The following GH2 variants were observed in gnomAD, a reference collection of about 807,000 sequenced individuals.
GH2 encodes the protein growth hormone 2.
A neutral mutation model predicts 24.1 loss-of-function variants in GH2; 17 were observed. That is an observed-to-expected ratio of 0.71 (90% CI 0.48 to 1.06). The LOEUF (loss-of-function observed/expected upper bound fraction) is 1.06, where lower values mean the gene tolerates loss of function less well. GH2 is among the 50% of genes least tolerant of loss of function. The pLI is 0.00. For synonymous variants in GH2, 126 were observed against 118.7 expected (o/e 1.06, Z -0.40); for missense variants, 305 against 273.1 (o/e 1.12, Z -0.82).
In GH2 at chr17:63,880,261, A is replaced by G. The variant is rs530405693; in HGVS notation, c.*60T>C. On this transcript the variant is annotated 3_prime_UTR_variant, in exon 5 of 5. Coordinates refer to ENST00000423893, the MANE Select transcript of GH2 (RefSeq NM_002059.5). ...GGACAAGGCTGGTGGGCACTGGAGT[A>G]GCACCTTCCACGACCAGGAGAGGCA... 41 of 1,613,430 alleles carry G rather than the reference A, an allele frequency of 2.5e-5. No homozygotes were observed. The African/African-American group carries it at 4.3e-4, about 17-fold the overall frequency.
rs1241869729 is a variant in GH2, at chr17:63,881,051, C to G, written c.269G>C (p.Arg90Thr). 2.5e-6 allele frequency: 4 copies of G among 1,613,942 alleles called. No individual in the cohort carries two copies. The highest frequency in any genetic ancestry group is 2.7e-5 in the African/African-American group (2 of 74,908). The stretch of plus-strand genomic sequence containing the variant: ...CACAGATTTCTGCTGCGTTTTCACC[C>G]TGTTGGAAGGTGTTGGAATAGACTC... ...FSESIPTPSNRVKTQQKSNLE... is the reference protein window; with the variant it reads ...FSESIPTPSNTVKTQQKSNLE... The change falls in exon 3 of 5, where the codon AGG becomes ACG. Residue 90 changes from arginine (R) to threonine (T), a missense_variant. Transcript: ENST00000423893.
rs1360148247 is a variant in GH2 at position 63,881,598 on chromosome 17, T to G, written c.11-79A>C. 2.5e-6 allele frequency: 4 copies of G among 1,578,572 alleles called. No individual in the cohort carries two copies. The Admixed American group carries it at 7.0e-5, about 28-fold the overall frequency. ...TCTCCCTGTTCCAGGAGCTGGGTTT[T>G]TTTTTTTCTCTCTCTCTCTCTGCCT... On this transcript the variant is annotated intron_variant, in intron 1 of 4. Transcript: ENST00000423893.
Position 63,881,142 on chromosome 17 carries a change from C to T in GH2, c.178G>A (p.Ala60Thr), listed in dbSNP as rs145686010. Residue 60 changes from alanine (A) to threonine (T), a missense_variant, in exon 3 of 5, where the codon GCC becomes ACC. Physicochemically the swap from Ala to Thr is moderately conservative, Grantham distance 58. Transcript: ENST00000423893. ...AYDTYQEFEE[A>T]YILKEQKYSF... Reference sequence around the variant, plus strand: ...TACTTCTGCTCCTTCAGGATATAGGCTTCTTCCTAGGAGAAGGACCGCCCA... The same window carrying T: ...TACTTCTGCTCCTTCAGGATATAGGTTTCTTCCTAGGAGAAGGACCGCCCA... 103 of 1,613,964 alleles carry T rather than the reference C, an allele frequency of 6.4e-5. 3 individuals are homozygous for T. The highest frequency in any genetic ancestry group is 8.1e-5 in the Non-Finnish European group (95 of 1,179,946).
Position 63,880,216 on chromosome 17 carries a change from G to C in GH2, c.*105C>G. 1 of 1,582,354 alleles carries C rather than the reference G, an allele frequency of 6.3e-7. No homozygotes were observed. Reference sequence around the variant, plus strand: ...ACAAGGACACCTAGTCAAACAAAATGATGCAACTTAATTTTATTAGGACAA... The same window carrying C: ...ACAAGGACACCTAGTCAAACAAAATCATGCAACTTAATTTTATTAGGACAA... On this transcript the variant is annotated 3_prime_UTR_variant, in exon 5 of 5. Coordinates refer to ENST00000423893, the MANE Select transcript of GH2 (RefSeq NM_002059.5).
intron 2 of GH2, 27 bp downstream of exon 2, chr17:63,881,332 A>G (rs1598375660): frequency 6.2e-7 from 1 of 1,613,732 alleles, no homozygotes; most frequent in Non-Finnish European, 8.5e-7. Flanking sequence ...GCCACCTCTG[A>G]AGCGCACCCA....
At position 63,880,490 on chromosome 17, in the gene GH2, C is replaced by G; in HGVS notation, c.485G>C (p.Gly162Ala). ...GCTGTAGGACTGATTGAAGATCTGCCCAGTCCGGGGGCTGCCATCTTCCAG... is the reference window on the plus strand; with the variant it reads ...GCTGTAGGACTGATTGAAGATCTGCGCAGTCCGGGGGCTGCCATCTTCCAG... ...WRLEDGSPRT[G>A]QIFNQSYSKF... The change falls in exon 5 of 5, where the codon GGG becomes GCG. Residue 162 changes from glycine (G) to alanine (A), a missense_variant. By Grantham distance (60) the Gly-to-Ala change is moderately conservative (BLOSUM62 0). Coordinates refer to ENST00000423893, the MANE Select transcript of GH2 (RefSeq NM_002059.5). 1 of 1,613,774 alleles carries G rather than the reference C, an allele frequency of 6.2e-7. No individual in the cohort carries two copies. The highest frequency in any genetic ancestry group is 8.5e-7 in the Non-Finnish European group (1 of 1,179,774).
Position 63,881,368 on chromosome 17 carries a change from A to G in GH2, c.162T>C (p.Tyr54=), listed in dbSNP as rs751050968. The change falls in exon 2 of 5, where the codon TAT becomes TAC. Residue 54 remains tyrosine, a synonymous_variant. Coordinates refer to ENST00000423893, the MANE Select transcript of GH2 (RefSeq NM_002059.5). ...RRLYQLAYDT[Y]QEFEEAYILK... is the part of the protein sequence containing the mutation. Reference sequence around the variant, plus strand: ...TTACCCAAGAGCTTACAAACTCCTGATAGGTGTCATATGCCAGCTGGTACA... The same window carrying G: ...TTACCCAAGAGCTTACAAACTCCTGGTAGGTGTCATATGCCAGCTGGTACA... 6 of 1,613,914 alleles carry G rather than the reference A, an allele frequency of 3.7e-6. No individual in the cohort carries two copies. In the African/African-American group the frequency reaches 4.0e-5, roughly 11 times the overall value.
intron 4 of GH2, 63 bp from the exon 5 acceptor site, chr17:63,880,581 T>C: frequency 6.2e-7 from 1 of 1,613,850 alleles, no homozygotes; most frequent in Non-Finnish European, 8.5e-7. Flanking sequence ...CCCTCTCTCA[T>C]TCATCCATTT....
At chr17:63,881,602 TTTTCTCTC>T in intron 1 of GH2, 83 bp from the exon 2 acceptor site, 1 of 1,561,740 alleles carries the variant, frequency 6.4e-7, no homozygotes, top group Admixed American at 1.8e-5. Flanking sequence ...GGGTTTTTTT[TTTTCTCTC>T]TCTCTCTCTG....
Position 63,881,784 on chromosome 17 carries a change from G to T in GH2, c.10+8C>A, listed in dbSNP as rs545843975. The T allele has an allele frequency of 1.9e-6, 3 of 1,613,058 alleles. No homozygotes were observed. The East Asian group carries it at 6.7e-5, about 36-fold the overall frequency. Reference sequence around the variant, plus strand: ...CATTGTGCCCAAAGGGATTTTAGGGGCGCTTACCTGCAGCCATTGCCGCTA... The same window carrying T: ...CATTGTGCCCAAAGGGATTTTAGGGTCGCTTACCTGCAGCCATTGCCGCTA... On this transcript the variant is annotated splice_region_variant and intron_variant, in intron 1 of 4. Coordinates refer to ENST00000423893, the MANE Select transcript of GH2 (RefSeq NM_002059.5).
chr17:63,881,244 A>C (rs1905504848), intron 2 of GH2, 96 bp from the exon 3 acceptor site: 1 of 1,611,728 alleles, frequency 6.2e-7, no homozygotes. Flanking sequence ...ATCTGCCTGC[A>C]TTTTCACTTC....
chr17:63,880,806 T>G lies in GH2; in HGVS notation c.422A>C (p.Lys141Thr). Reference protein sequence around the residue: ...ASDSNVYRHLKDLEEGIQTLM... With the variant: ...ASDSNVYRHLTDLEEGIQTLM... Reference sequence around the variant, plus strand: ...CGTTTGGATGCCTTCCTCTAGGTCCTTCAGGTGGCGATAGACGTTGCTGTC... The same window carrying G: ...CGTTTGGATGCCTTCCTCTAGGTCCGTCAGGTGGCGATAGACGTTGCTGTC... The change falls in exon 4 of 5, where the codon AAG becomes ACG. Residue 141 changes from lysine (K) to threonine (T), a missense_variant. Lys to Thr is a moderately conservative substitution (Grantham distance 78). Transcript: ENST00000423893. 6.2e-7 allele frequency: 1 copy of G among 1,614,084 alleles called. No individual in the cohort carries two copies. The highest frequency in any genetic ancestry group is 8.5e-7 in the Non-Finnish European group (1 of 1,179,948).
intron 1 of GH2, 55 bp downstream of exon 1, chr17:63,881,737 C>A: frequency 6.2e-7 from 1 of 1,612,086 alleles, no homozygotes; most frequent in Non-Finnish European, 8.5e-7. Context: ...ATCTACAGGA[C>A]GCCGCCTCTC....
rs750322335 is a variant in GH2 at position 63,880,372 on chromosome 17, T to C, written c.603A>G (p.Thr201=). The C allele has an allele frequency of 7.4e-6, 12 of 1,613,726 alleles. No homozygotes were observed. Among genetic ancestry groups the C allele is most frequent in the African/African-American group, 2.7e-5 (2 of 74,908 alleles). The change falls in exon 5 of 5, where the codon ACA becomes ACG. Residue 201 remains threonine, a synonymous_variant. Coordinates refer to ENST00000423893, the MANE Select transcript of GH2 (RefSeq NM_002059.5). ...CFRKDMDKVE[T]FLRIVQCRSV... is the part of the protein sequence containing the mutation. ...AGCGGCACTGCACGATGCGCAGGAATGTCTCGACCTTGTCCATGTCCTTCC... is the reference window on the plus strand; with the variant it reads ...AGCGGCACTGCACGATGCGCAGGAACGTCTCGACCTTGTCCATGTCCTTCC...
chr17:63,880,492 A>G lies in GH2; in HGVS notation c.483T>C (p.Thr161=), dbSNP rs756443429. The G allele has an allele frequency of 6.2e-7, 1 of 1,613,820 alleles. No individual in the cohort carries two copies. The highest frequency in any genetic ancestry group is 1.1e-5 in the South Asian group (1 of 91,072). The change falls in exon 5 of 5, where the codon ACT becomes ACC. Residue 161 remains threonine (T), a synonymous_variant. Coordinates refer to ENST00000423893, the MANE Select transcript of GH2 (RefSeq NM_002059.5). ...MWRLEDGSPR[T]GQIFNQSYSK... ...TGTAGGACTGATTGAAGATCTGCCCAGTCCGGGGGCTGCCATCTTCCAGCC... is the reference window on the plus strand; with the variant it reads ...TGTAGGACTGATTGAAGATCTGCCCGGTCCGGGGGCTGCCATCTTCCAGCC...
In GH2 at chr17:63,880,434, C is replaced by G. The variant is rs773623624; in HGVS notation, c.541G>C (p.Ala181Pro). Reference sequence around the variant, plus strand: ...AGCAGCCCGTAGTTCTTGAGCAGTGCGTCATCGTTGTGCGATTTTGTGTCA... The same window carrying G: ...AGCAGCCCGTAGTTCTTGAGCAGTGGGTCATCGTTGTGCGATTTTGTGTCA... ...KFDTKSHNDD[A>P]LLKNYGLLYC... Residue 181 changes from alanine to proline, a missense_variant, in exon 5 of 5, where the codon GCA becomes CCA. By Grantham distance (27) the Ala-to-Pro change is conservative. Transcript: ENST00000423893. 9 of 1,613,744 alleles carry G rather than the reference C, an allele frequency of 5.6e-6. No individual in the cohort carries two copies. Among genetic ancestry groups the G allele is most frequent in the Non-Finnish European group, 7.6e-6 (9 of 1,179,778 alleles).
At chr17:63,880,738 C>A (rs1439134353) in intron 4 of GH2, 34 bp downstream of exon 4, 2 of 1,614,058 alleles carry the variant, frequency 1.2e-6, no homozygotes, top group Non-Finnish European at 1.7e-6. Context: ...GCCAGTGGGG[C>A]CCCAGGATTG....
In GH2 at chr17:63,881,519, C is replaced by T. The variant is rs755162737; in HGVS notation, c.11G>A (p.Gly4Asp). The change falls in exon 2 of 5, where the codon GGC (glycine) becomes GAC (aspartate). Residue 4 changes from glycine (G) to aspartate (D), a missense_variant and splice_region_variant. By Grantham distance (94) the Gly-to-Asp change is moderately conservative (BLOSUM62 -1). Coordinates refer to ENST00000423893, the MANE Select transcript of GH2 (RefSeq NM_002059.5). The part of the protein sequence containing the change: MAA[G>D]SRTSLLLAFG... ...AGCCAGGAGCAGGGACGTCCGGGAG[C>T]CTGGGGAGAAACCGGAGGGCAACAG... is the stretch of plus-strand genomic sequence containing the variant. The T allele has an allele frequency of 2.5e-6, 4 of 1,613,682 alleles. No homozygotes were observed. The highest frequency in any genetic ancestry group is 3.3e-5 in the Admixed American group (2 of 59,982).
Position 63,880,509 on chromosome 17 carries a change from C to A in GH2, c.466G>T (p.Asp156Tyr). 3.7e-6 allele frequency: 6 copies of A among 1,613,870 alleles called. No individual in the cohort carries two copies. Among genetic ancestry groups the A allele is most frequent in the Non-Finnish European group, 5.1e-6 (6 of 1,179,796 alleles). Residue 156 changes from aspartate to tyrosine, a missense_variant, in exon 5 of 5, where the codon GAT becomes TAT. Asp to Tyr is a radical substitution (Grantham distance 160). Coordinates refer to ENST00000423893, the MANE Select transcript of GH2 (RefSeq NM_002059.5). The part of the protein sequence containing the change: ...GIQTLMWRLE[D>Y]GSPRTGQIFN... ...ATCTGCCCAGTCCGGGGGCTGCCAT[C>A]TTCCAGCCTCTGCAAAGTGAAGGAA...
Sources: allele counts gnomAD v4.1 joint callset, GRCh38; gene constraint gnomAD v4.1.1; transcripts MANE v1.5; gene names NCBI Gene and HGNC (gene_info 2026-07-23, HGNC 2026-07-21).